The following MYO16 variants were observed in gnomAD, a reference collection of about 807,000 sequenced individuals.
MYO16 encodes unconventional myosin-XVI.
Under a neutral mutation model 205.3 loss-of-function variants are expected in MYO16, and 94 were observed. The observed-to-expected ratio is 0.46, with a 90% CI of 0.39 to 0.54. The LOEUF (loss-of-function observed/expected upper bound fraction) is 0.54, where lower values mean the gene tolerates loss of function less well. MYO16 is among the 20% of genes least tolerant of loss of function. The pLI is 0.00. For missense variants in MYO16, 2,315 were observed against 2,387.5 expected (o/e 0.97, Z 0.63); for synonymous variants, 988 against 954.0 (o/e 1.04, Z -0.66).
At chr13:108,960,243 C>G (rs1883529945) in intron 17 of MYO16, among the ~76,000 whole-genome samples, 1 of 148,134 alleles carries the variant, frequency 6.8e-6, no homozygotes, top group Admixed American at 6.8e-5. Context: ...CCACTACACT[C>G]CAGCCTGGGC....
At chr13:108,565,538 T>C in the MYO16 span, among the ~76,000 whole-genome samples, 1 of 152,218 alleles carries the variant, frequency 6.6e-6, no homozygotes. Context: ...ATCCTGCATC[T>C]TTACTGAATT....
chr13:109,020,588 C>T (rs1214520792), intron 23 of MYO16, among the ~76,000 whole-genome samples: 6 of 152,194 alleles, frequency 3.9e-5, no homozygotes, highest in African/African-American at 7.2e-5. Flanking sequence ...TTACATTAAG[C>T]TTGATATATC....
At chr13:109,153,121 A>G (rs776568134) in intron 32 of MYO16, among the ~76,000 whole-genome samples, 2 of 152,114 alleles carry the variant, frequency 1.3e-5, no homozygotes, top group Non-Finnish European at 2.9e-5. Flanking sequence ...ATTTTTACTC[A>G]TGGTATTCTG....
intron 11 of MYO16, among the ~76,000 whole-genome samples, chr13:108,863,225 A>C (rs1878537313): frequency 6.6e-6 from 1 of 152,058 alleles, no homozygotes; most frequent in Non-Finnish European, 1.5e-5. Flanking sequence ...ATAGAACTTC[A>C]CTAAAAAGAC....
At chr13:108,898,361 T>TGTGTGTGC (rs1233358156) in intron 15 of MYO16, among the ~76,000 whole-genome samples, 32 of 150,218 alleles carry the variant, frequency 2.1e-4, no homozygotes, top group African/African-American at 2.7e-4. Flanking sequence ...AGTGTGTGTG[T>TGTGTGTGC]GTGTGTGTGT....
chr13:108,538,164 A>G, the MYO16 span, among the ~76,000 whole-genome samples: 1 of 152,192 alleles, frequency 6.6e-6, no homozygotes, highest in South Asian at 2.1e-4. Context: ...AAATATATTT[A>G]TGTATGGGAG....
chr13:108,627,730 T>A (rs1453469258), upstream of MYO16, among the ~76,000 whole-genome samples: 3 of 152,186 alleles, frequency 2.0e-5, no homozygotes, highest in Non-Finnish European at 2.9e-5. Flanking sequence ...ATTTTCTTTG[T>A]CAAGTGCACA....
intron 33 of MYO16, among the ~76,000 whole-genome samples, chr13:109,166,119 G>A (rs939219227): frequency 6.6e-6 from 1 of 152,142 alleles, no homozygotes; most frequent in Non-Finnish European, 1.5e-5. Context: ...AAAATTAAAA[G>A]CAGAGACGGC....
intron 9 of MYO16, among the ~76,000 whole-genome samples, chr13:108,828,281 A>T (rs1876396040): frequency 6.6e-6 from 1 of 152,118 alleles, no homozygotes; most frequent in East Asian, 1.9e-4. Context: ...TTTAAAAAGG[A>T]AATTGATAGT....
chr13:109,010,452 C>G (rs1294857955), intron 22 of MYO16, among the ~76,000 whole-genome samples: 1 of 152,180 alleles, frequency 6.6e-6, no homozygotes, highest in African/African-American at 2.4e-5. Flanking sequence ...TGCTAGTAAT[C>G]AACCACCTTA....
At chr13:109,065,668 G>T in intron 27 of MYO16, 1 of 400,528 alleles carries the variant, frequency 2.5e-6, no homozygotes, top group Non-Finnish European at 4.8e-6. Context: ...ATACATCTTT[G>T]TTTCCAATGG....
At position 108,608,084 on chromosome 13, in the gene MYO16, G is replaced by A. The variant is rs188419405; in HGVS notation, c.-39+11845G>A. On this transcript the variant is annotated intron_variant, in intron 1 of 24. Coordinates refer to the MYO16 transcript ENST00000251041. ...TCCTACAGCACTTTGTAATTCTAAC[G>A]ATCGATAATTATCACTTTCAGTTTT... Among the ~76,000 whole-genome samples, 22 of 152,252 alleles carry A rather than the reference G, an allele frequency of 1.4e-4. No individual in the cohort carries two copies. In the East Asian group the frequency reaches 4.2e-3, roughly 29 times the overall value.
At chr13:108,738,399 A>G (rs561461098) in intron 4 of MYO16, among the ~76,000 whole-genome samples, 24 of 100,164 alleles carry the variant, frequency 2.4e-4, no homozygotes, top group Admixed American at 1.3e-3. Flanking sequence ...TGTACCCAGT[A>G]GTCATTCAGG....
chr13:108,992,017 A>G (rs543656411), intron 20 of MYO16, among the ~76,000 whole-genome samples: 3 of 152,310 alleles, frequency 2.0e-5, no homozygotes, highest in East Asian at 3.9e-4. Context: ...ACAGATTATT[A>G]AAAGACACTA....
chr13:109,140,221 G>C lies in MYO16; in HGVS notation c.4052-43G>C, dbSNP rs1012160755. On this transcript the variant is annotated intron_variant, in intron 31 of 34. Transcript: ENST00000457511. This position sits in a 1 kb window ranked among gnomAD's most constrained non-coding sequence, Gnocchi z 8.0. ...GCCCCGGGCTTGGTGGGCACCCGTG[G>C]GCCTGGCCTGGCACCCACTGACCGC... is the stretch of plus-strand genomic sequence containing the variant. 34 of 1,590,086 alleles carry C rather than the reference G, an allele frequency of 2.1e-5. No homozygotes were observed. Among genetic ancestry groups the C allele is most frequent in the Non-Finnish European group, 2.7e-5 (32 of 1,175,598 alleles).
intron 10 of MYO16, among the ~76,000 whole-genome samples, chr13:108,848,578 A>T (rs940419899): frequency 6.6e-6 from 1 of 152,160 alleles, no homozygotes; most frequent in Non-Finnish European, 1.5e-5. Flanking sequence ...AGGTGGGAGG[A>T]TTGCTTGAGG....
chr13:108,639,860 G>T (rs1880422816), intron 1 of MYO16, among the ~76,000 whole-genome samples: 1 of 152,176 alleles, frequency 6.6e-6, no homozygotes, highest in Non-Finnish European at 1.5e-5. Flanking sequence ...TAAGGCCTTG[G>T]GACGACTTCG....
At chr13:108,921,695 T>G (rs1490165449) in intron 16 of MYO16, among the ~76,000 whole-genome samples, 1 of 152,254 alleles carries the variant, frequency 6.6e-6, no homozygotes, top group East Asian at 1.9e-4. Context: ...GACTGTCTTT[T>G]GCAATTTGTG....
intron 1 of MYO16, among the ~76,000 whole-genome samples, chr13:108,643,045 A>G (rs1880580588): frequency 6.6e-6 from 1 of 152,142 alleles, no homozygotes; most frequent in African/African-American, 2.4e-5. Flanking sequence ...TTTTAGGTGT[A>G]TAGTTAAAAA....
Sources: allele counts gnomAD v4.1 joint callset (sites outside exome capture counted in the v4.1 genomes callset), GRCh38; gene constraint gnomAD v4.1.1; non-coding constraint Gnocchi (gnomAD v3.1); transcripts MANE v1.5; gene names NCBI Gene and HGNC (gene_info 2026-07-23, HGNC 2026-07-21).